The following TRDN variants were observed in gnomAD, a reference collection of about 807,000 sequenced individuals.
TRDN encodes triadin in skeletal muscle.
A neutral mutation model predicts 149.7 loss-of-function variants in TRDN; 161 were observed. That is an observed-to-expected ratio of 1.08 (90% CI 0.95 to 1.23). The LOEUF (loss-of-function observed/expected upper bound fraction) is 1.23. TRDN is among the 50% of genes most tolerant of loss of function. TRDN has a pLI of 0.00. For synonymous variants in TRDN, 294 were observed against 250.5 expected (o/e 1.17, Z -1.64); for missense variants, 896 against 823.5 (o/e 1.09, Z -1.08).
rs896647703 is a variant in TRDN at position 123,352,332 on chromosome 6, G to C, written c.1369+207C>G. ...TTGGGGAGTTTCCCTGTTCGGAACTGATATTCAAAGTTCAGTTACACAAAA... is the reference window on the plus strand; with the variant it reads ...TTGGGGAGTTTCCCTGTTCGGAACTCATATTCAAAGTTCAGTTACACAAAA... On this transcript the variant is annotated intron_variant, in intron 21 of 40. Transcript: ENST00000334268. 5 of 984,898 alleles carry C rather than the reference G, an allele frequency of 5.1e-6. No homozygotes were observed. In the African/African-American group the frequency reaches 7.0e-5, roughly 14 times the overall value. The allele number at this position is 984,898 out of a possible 1,614,324, so 61.0% of individuals were successfully genotyped here.
At chr6:123,585,387 A>C (rs1783413947) in intron 1 of TRDN, among the ~76,000 whole-genome samples, 1 of 152,076 alleles carries the variant, frequency 6.6e-6, no homozygotes, top group African/African-American at 2.4e-5. Context: ...TACCCACAAC[A>C]GTTATGGAGG....
At chr6:123,444,149 T>C (rs1383502124) in intron 10 of TRDN, among the ~76,000 whole-genome samples, 6 of 143,566 alleles carry the variant, frequency 4.2e-5, no homozygotes, top group Non-Finnish European at 7.5e-5. Context: ...TTCCTGCCCA[T>C]GAGCATGGAA....
intron 9 of TRDN, among the ~76,000 whole-genome samples, chr6:123,479,096 T>C (rs1374849038): frequency 6.6e-6 from 1 of 152,178 alleles, no homozygotes; most frequent in Admixed American, 6.5e-5. Flanking sequence ...TGTCACTCTG[T>C]TTTACTGCTT....
At chr6:123,582,489 G>C (rs1207931322) in intron 1 of TRDN, among the ~76,000 whole-genome samples, 1 of 140,722 alleles carries the variant, frequency 7.1e-6, no homozygotes, top group Non-Finnish European at 1.5e-5. Context: ...GTAGGTAAAG[G>C]AAAAAGGGGG....
intron 9 of TRDN, chr6:123,470,556 A>T (rs1377214918): frequency 6.6e-6 from 1 of 152,234 alleles, no homozygotes; most frequent in East Asian, 1.9e-4. Flanking sequence ...GCAGAGAATG[A>T]CTGGAGAAAG....
chr6:123,627,508 C>G (rs1785740698), intron 1 of TRDN, among the ~76,000 whole-genome samples: 1 of 152,048 alleles, frequency 6.6e-6, no homozygotes, highest in African/African-American at 2.4e-5. Context: ...ATTGATAGAG[C>G]ACAGGCAAAG....
chr6:123,375,738 T>C, intron 18 of TRDN, 107 bp from the exon 19 acceptor site: 1 of 880,568 alleles, frequency 1.1e-6, no homozygotes, highest in Non-Finnish European at 1.6e-6. Flanking sequence ...GTGTGTATAA[T>C]ATTGGAAGCT....
chr6:123,287,362 G>C (rs1349335731), intron 24 of TRDN, among the ~76,000 whole-genome samples: 2 of 152,128 alleles, frequency 1.3e-5, no homozygotes, highest in Non-Finnish European at 2.9e-5. Flanking sequence ...ATTACTGGGG[G>C]AGAATTCTGT....
At position 123,416,279 on chromosome 6, in the gene TRDN, T is replaced by C. The variant is rs111419301; in HGVS notation, c.1051+21784A>G. ...AGACCTCACTCAGGATAATATCTTTTGTGATCCAGATCTCCACAACTCGGT... is the reference window on the plus strand; with the variant it reads ...AGACCTCACTCAGGATAATATCTTTCGTGATCCAGATCTCCACAACTCGGT... On this transcript the variant is annotated intron_variant, in intron 12 of 40. Coordinates refer to ENST00000334268, the MANE Select transcript of TRDN (RefSeq NM_006073.4). 6.5e-4 allele frequency among the ~76,000 whole-genome samples: 99 copies of C among 152,272 alleles called. 1 individual carries two copies. Among genetic ancestry groups the C allele is most frequent in the African/African-American group, 2.2e-3 (91 of 41,542 alleles).
chr6:123,333,127 A>G (rs1305020924), intron 22 of TRDN, among the ~76,000 whole-genome samples: 4 of 152,068 alleles, frequency 2.6e-5, no homozygotes, highest in African/African-American at 4.8e-5. Flanking sequence ...CTGTTTTTCA[A>G]GCTGATGGGG....
At chr6:123,410,933 T>C (rs1284358909) in intron 12 of TRDN, among the ~76,000 whole-genome samples, 1 of 152,012 alleles carries the variant, frequency 6.6e-6, no homozygotes, top group Non-Finnish European at 1.5e-5. Flanking sequence ...TTTTGAAAAT[T>C]ATTATACCCA....
At chr6:123,557,569 A>C (rs1781737993) in intron 2 of TRDN, among the ~76,000 whole-genome samples, 1 of 151,906 alleles carries the variant, frequency 6.6e-6, no homozygotes, top group Admixed American at 6.6e-5. Flanking sequence ...TTATCCATGA[A>C]CCCAAAACTC....
At chr6:123,297,262 GACAGTT>G (rs1214004263) in intron 24 of TRDN, among the ~76,000 whole-genome samples, 1 of 151,752 alleles carries the variant, frequency 6.6e-6, no homozygotes, top group Admixed American at 6.6e-5. Flanking sequence ...TTTCATCTCA[GACAGTT>G]ATCTGATATT....
At chr6:123,345,567 T>C (rs927861065) in intron 21 of TRDN, among the ~76,000 whole-genome samples, 9 of 152,062 alleles carry the variant, frequency 5.9e-5, no homozygotes, top group Non-Finnish European at 1.3e-4. Context: ...ATATAAACTT[T>C]AGAATTAGTT....
At chr6:123,423,172 A>G (rs2114548250) in intron 12 of TRDN, among the ~76,000 whole-genome samples, 1 of 152,292 alleles carries the variant, frequency 6.6e-6, no homozygotes, top group South Asian at 2.1e-4. Flanking sequence ...ATTTTAAAAA[A>G]CAGAAGTTAA....
chr6:123,552,170 A>G (rs1398845398), intron 2 of TRDN, among the ~76,000 whole-genome samples: 1 of 152,168 alleles, frequency 6.6e-6, no homozygotes, highest in Non-Finnish European at 1.5e-5. Context: ...GGTTTCTTCC[A>G]GAAAAATATA....
chr6:123,255,011 A>G, intron 37 of TRDN, 70 bp downstream of exon 37: 1 of 897,182 alleles, frequency 1.1e-6, no homozygotes, highest in Non-Finnish European at 1.7e-6. Flanking sequence ...ATAATTTAAT[A>G]TTAATATTAA....
intron 38 of TRDN, among the ~76,000 whole-genome samples, chr6:123,228,562 C>T (rs927385973): frequency 2.0e-5 from 3 of 151,854 alleles, no homozygotes; most frequent in Non-Finnish European, 4.4e-5. Context: ...AGAACGTACT[C>T]ACTATTGTGA....
chr6:123,240,276 T>C (rs559363399), intron 38 of TRDN, among the ~76,000 whole-genome samples: 18 of 152,014 alleles, frequency 1.2e-4, no homozygotes, highest in Admixed American at 2.6e-4. Context: ...TGGAATAATT[T>C]ATATTAGTAA....
Sources: allele counts gnomAD v4.1 joint callset (sites outside exome capture counted in the v4.1 genomes callset), GRCh38; gene constraint gnomAD v4.1.1; transcripts MANE v1.5; gene names NCBI Gene and HGNC (gene_info 2026-07-23, HGNC 2026-07-21).